Variants in ARHGAP10 observed in about 807,000 individuals in gnomAD.
The protein encoded by ARHGAP10 is Rho GTPase activating protein 10.
Under a neutral mutation model 108.6 loss-of-function variants are expected in ARHGAP10, and 87 were observed. That is an observed-to-expected ratio of 0.80 (90% confidence interval 0.67 to 0.96). The LOEUF is 0.96. Among genes scored for constraint, ARHGAP10 ranks in the 40% least tolerant of loss-of-function variants. The pLI is 0.00. For missense variants in ARHGAP10, 939 were observed against 954.5 expected (o/e 0.98, Z 0.21); for synonymous variants, 347 against 341.1 (o/e 1.02, Z -0.19).
chr4:147,883,344 G>T, intron 10 of ARHGAP10, among the ~76,000 whole-genome samples: 1 of 152,190 alleles, frequency 6.6e-6, no homozygotes, highest in East Asian at 1.9e-4. Flanking sequence ...CTACAGGTGT[G>T]AGCCACCATG....
At chr4:147,998,420 A>G (rs1007069595) in intron 18 of ARHGAP10, among the ~76,000 whole-genome samples, 2 of 152,258 alleles carry the variant, frequency 1.3e-5, no homozygotes, top group Non-Finnish European at 2.9e-5. Flanking sequence ...AAAACTCAGA[A>G]GAAACAGTTA....
At chr4:147,791,053 TGTAAG>T (rs1021605256) in intron 1 of ARHGAP10, among the ~76,000 whole-genome samples, 30 of 152,138 alleles carry the variant, frequency 2.0e-4, no homozygotes, top group African/African-American at 6.0e-4. Flanking sequence ...TTATGAGTAA[TGTAAG>T]GTATATTGTT....
rs574577935 is a variant in ARHGAP10 at position 147,776,247 on chromosome 4, T to A, written c.154+43792T>A. Among the ~76,000 whole-genome samples, 3 of 152,054 alleles carry A rather than the reference T, an allele frequency of 2.0e-5. No homozygotes were observed. In the East Asian group the frequency reaches 5.8e-4, roughly 29 times the overall value. ...TGGAAAAAAAAATTCTAAGACGGAGTCTTGCTCTGTCGCCCAGGCTGGAGT... is the reference window on the plus strand; with the variant it reads ...TGGAAAAAAAAATTCTAAGACGGAGACTTGCTCTGTCGCCCAGGCTGGAGT... On this transcript the variant is annotated intron_variant, in intron 1 of 22. Coordinates refer to ENST00000336498, the MANE Select transcript of ARHGAP10 (RefSeq NM_024605.4).
At position 147,977,693 on chromosome 4, in the gene ARHGAP10, A is replaced by G. The variant is rs148771721; in HGVS notation, c.1716+10854A>G. 1.4e-3 allele frequency among the ~76,000 whole-genome samples: 207 copies of G among 152,102 alleles called. 1 individual carries two copies. Among genetic ancestry groups the G allele is most frequent in the African/African-American group, 4.6e-3 (190 of 41,520 alleles). Reference sequence around the variant, plus strand: ...TTATTTTAGATTTGGGGGTACATGTACAGGTTTGTTACAGGGATATATTAC... The same window carrying G: ...TTATTTTAGATTTGGGGGTACATGTGCAGGTTTGTTACAGGGATATATTAC... On this transcript the variant is annotated intron_variant, in intron 18 of 22. Coordinates refer to ENST00000336498, the MANE Select transcript of ARHGAP10 (RefSeq NM_024605.4).
intron 18 of ARHGAP10, among the ~76,000 whole-genome samples, chr4:147,994,748 C>A (rs773445432): frequency 6.6e-6 from 1 of 152,096 alleles, no homozygotes; most frequent in Non-Finnish European, 1.5e-5. Flanking sequence ...CCCAGCAATA[C>A]GTAAAAGTTG....
chr4:147,752,041 A>G (rs959386795), intron 1 of ARHGAP10, among the ~76,000 whole-genome samples: 24 of 151,878 alleles, frequency 1.6e-4, no homozygotes, highest in African/African-American at 5.3e-4. Context: ...GTGCGCCACC[A>G]CACCCAGCTA....
chr4:147,975,177 A>T (rs1264319155), intron 18 of ARHGAP10, among the ~76,000 whole-genome samples: 1 of 152,172 alleles, frequency 6.6e-6, no homozygotes, highest in East Asian at 1.9e-4. Context: ...TAGCCTTTGT[A>T]ATAGGGATTG....
chr4:147,732,991 C>G (rs1051655296), intron 1 of ARHGAP10, among the ~76,000 whole-genome samples: 3 of 152,170 alleles, frequency 2.0e-5, no homozygotes, highest in Admixed American at 6.5e-5. Flanking sequence ...CAGTCCTGTT[C>G]CAGGTCCTTC....
At chr4:147,949,886 G>A (rs1277031410) in intron 15 of ARHGAP10, among the ~76,000 whole-genome samples, 2 of 152,118 alleles carry the variant, frequency 1.3e-5, no homozygotes, top group Non-Finnish European at 2.9e-5. Context: ...TGCTGTGTGG[G>A]AGGAATTTGT....
At chr4:147,820,587 T>C (rs1003717070) in intron 1 of ARHGAP10, among the ~76,000 whole-genome samples, 1 of 130,884 alleles carries the variant, frequency 7.6e-6, no homozygotes, top group Non-Finnish European at 1.6e-5. Context: ...CCAGTTTTTT[T>C]TTTTTTTTTT....
chr4:147,836,694 G>A (rs1344527765), intron 3 of ARHGAP10, among the ~76,000 whole-genome samples: 1 of 152,168 alleles, frequency 6.6e-6, no homozygotes, highest in African/African-American at 2.4e-5. Context: ...ATGAGTGTGA[G>A]CTATTGCCAT....
intron 18 of ARHGAP10, among the ~76,000 whole-genome samples, chr4:148,008,045 G>T (rs1225898162): frequency 6.6e-6 from 1 of 152,154 alleles, no homozygotes; most frequent in African/African-American, 2.4e-5. Flanking sequence ...CTGTCTAAAA[G>T]GTTATCAGCT....
rs1735340751 is a variant in ARHGAP10 at position 147,881,878 on chromosome 4, G to A, written c.980G>A (p.Arg327Lys). Residue 327 changes from arginine to lysine, a missense_variant, in exon 10 of 23, where the codon AGG becomes AAG. Transcript: ENST00000336498. ...EVFFLKECTKRHTDSIDRRFC... is the reference protein window; with the variant it reads ...EVFFLKECTKKHTDSIDRRFC... Reference sequence around the variant, plus strand: ...TTCTTTTTGAAAGAATGTACCAAGAGGCATACTGACTCCATTGACAGAAGG... The same window carrying A: ...TTCTTTTTGAAAGAATGTACCAAGAAGCATACTGACTCCATTGACAGAAGG... 1 of 1,614,036 alleles carries A rather than the reference G, an allele frequency of 6.2e-7. No individual in the cohort carries two copies. Among genetic ancestry groups the A allele is most frequent in the Non-Finnish European group, 8.5e-7 (1 of 1,179,974 alleles).
chr4:147,946,656 C>G lies in ARHGAP10; in HGVS notation c.1343C>G (p.Ala448Gly). The change falls in exon 15 of 23, where the codon GCA becomes GGA. Residue 448 changes from alanine to glycine, a missense_variant. Transcript: ENST00000336498. The stretch of plus-strand genomic sequence containing the variant: ...AATGAGGTGGACCTGGAGAATTCTG[C>G]AGATTGGGAAGTGAAGACAATAACA... ...TCNEVDLENS[A>G]DWEVKTITSA... is the part of the protein sequence containing the mutation. 6.2e-7 allele frequency: 1 copy of G among 1,612,322 alleles called. No individual in the cohort carries two copies. Among genetic ancestry groups the G allele is most frequent in the Non-Finnish European group, 8.5e-7 (1 of 1,179,390 alleles).
chr4:147,877,598 T>C (rs930002379), intron 8 of ARHGAP10, among the ~76,000 whole-genome samples: 1 of 152,302 alleles, frequency 6.6e-6, no homozygotes, highest in East Asian at 1.9e-4. Context: ...AGTAAGAAAT[T>C]GTCAACTTCT....
intron 19 of ARHGAP10, among the ~76,000 whole-genome samples, chr4:148,030,550 A>C (rs560611331): frequency 1.3e-5 from 2 of 152,296 alleles, no homozygotes; most frequent in East Asian, 3.9e-4. Context: ...TTGCTCTGAA[A>C]ACTCTATGGC....
intron 13 of ARHGAP10, among the ~76,000 whole-genome samples, chr4:147,939,354 A>T (rs1385315690): frequency 6.6e-6 from 1 of 152,122 alleles, no homozygotes; most frequent in Non-Finnish European, 1.5e-5. Flanking sequence ...TAACAACTTT[A>T]AAAAAAATTA....
At chr4:147,938,368 T>TA (rs896323102) in intron 13 of ARHGAP10, among the ~76,000 whole-genome samples, 9 of 151,748 alleles carry the variant, frequency 5.9e-5, no homozygotes, top group South Asian at 2.1e-4. Context: ...ACTTAAAAGT[T>TA]AAAAAAAATA....
At chr4:147,751,379 T>C (rs1729141316) in intron 1 of ARHGAP10, among the ~76,000 whole-genome samples, 1 of 151,932 alleles carries the variant, frequency 6.6e-6, no homozygotes, top group Non-Finnish European at 1.5e-5. Context: ...TTTTTTTTTT[T>C]TTGAGACAGA....
Sources: gnomAD v4.1 joint callset for allele counts (sites outside exome capture counted in the v4.1 genomes callset) on GRCh38, gnomAD v4.1.1 for gene constraint, MANE v1.5 for transcripts, NCBI Gene and HGNC (gene_info 2026-07-23, HGNC 2026-07-21) for gene names.